SNTG1: variants seen among roughly 807,000 people sequenced by gnomAD.
SNTG1 encodes gamma-1-syntrophin.
In SNTG1, 39 loss-of-function variants were observed where a neutral mutation model predicts 74.7. The ratio of observed to expected loss-of-function variants is 0.52; its 90% CI spans 0.40 to 0.68. SNTG1 has a LOEUF of 0.68. SNTG1 is among the 30% of genes least tolerant of loss of function. The pLI, the probability that SNTG1 is intolerant of heterozygous loss-of-function variation, is 0.00. For synonymous variants in SNTG1, 254 were observed against 217.1 expected, an observed-to-expected ratio of 1.17 and a Z score of -1.49; for missense variants, 685 against 609.5, an observed-to-expected ratio of 1.12 and a Z score of -1.30.
At chr8:50,007,059 C>T (rs1815307686) in intron 1 of SNTG1, among the ~76,000 whole-genome samples, 1 of 151,896 alleles carries the variant, frequency 6.6e-6, no homozygotes. Context: ...GGAGGAGTCC[C>T]AGGACAGGGA....
intron 8 of SNTG1, among the ~76,000 whole-genome samples, chr8:50,484,580 C>A: frequency 6.6e-6 from 1 of 151,556 alleles, no homozygotes; most frequent in Non-Finnish European, 1.5e-5. Flanking sequence ...ATATGCAGGG[C>A]CTGGCGCAGT....
intron 15 of SNTG1, among the ~76,000 whole-genome samples, chr8:50,661,677 T>C (rs917230880): frequency 6.6e-6 from 1 of 152,242 alleles, no homozygotes. Context: ...TATTAGGTAT[T>C]TGTCCTAATG....
intron 8 of SNTG1, among the ~76,000 whole-genome samples, chr8:50,498,103 C>A (rs1291867240): frequency 6.6e-6 from 1 of 151,798 alleles, no homozygotes; most frequent in Non-Finnish European, 1.5e-5. Flanking sequence ...TACATTTACT[C>A]TGATTTCTCT....
chr8:50,624,684 A>G (rs2131067387), intron 13 of SNTG1, among the ~76,000 whole-genome samples: 1 of 152,270 alleles, frequency 6.6e-6, no homozygotes, highest in African/African-American at 2.4e-5. Flanking sequence ...ACTAACCTCC[A>G]TTCCTTAACA....
At chr8:50,142,389 G>A (rs1325614098) in intron 1 of SNTG1, among the ~76,000 whole-genome samples, 2 of 151,852 alleles carry the variant, frequency 1.3e-5, no homozygotes, top group Non-Finnish European at 2.9e-5. Context: ...GAGAGTAGGA[G>A]CTTGAAGAAG....
At chr8:50,788,714 A>C (rs1392134023) in intron 18 of SNTG1, among the ~76,000 whole-genome samples, 3 of 152,028 alleles carry the variant, frequency 2.0e-5, no homozygotes, top group Non-Finnish European at 2.9e-5. Context: ...AATTCTCAAC[A>C]CTTCCTGCTT....
intron 2 of SNTG1, among the ~76,000 whole-genome samples, chr8:50,303,947 G>A (rs1397506674): frequency 6.6e-6 from 1 of 152,026 alleles, no homozygotes. Context: ...GTAGAATGCT[G>A]CAAATCACAC....
At chr8:50,445,054 C>T (rs546439620) in intron 5 of SNTG1, among the ~76,000 whole-genome samples, 2 of 152,264 alleles carry the variant, frequency 1.3e-5, no homozygotes, top group African/African-American at 4.8e-5. Context: ...ACCCTTTTAT[C>T]CCCTATCTCC....
At chr8:50,301,327 A>G (rs1480016497) in intron 2 of SNTG1, among the ~76,000 whole-genome samples, 1 of 152,074 alleles carries the variant, frequency 6.6e-6, no homozygotes, top group Non-Finnish European at 1.5e-5. Context: ...CTGATTCTCT[A>G]TTCTAGCAGC....
intron 2 of SNTG1, among the ~76,000 whole-genome samples, chr8:50,349,781 T>C (rs2091593012): frequency 6.6e-6 from 1 of 152,198 alleles, no homozygotes; most frequent in Non-Finnish European, 1.5e-5. Context: ...CCTCACTTGC[T>C]CTCAGCACCT....
At chr8:50,311,428 G>T (rs917115967) in intron 2 of SNTG1, among the ~76,000 whole-genome samples, 2 of 152,230 alleles carry the variant, frequency 1.3e-5, no homozygotes, top group African/African-American at 4.8e-5. Flanking sequence ...TTGATGAGGT[G>T]TGTGTTTATG....
intron 4 of SNTG1, among the ~76,000 whole-genome samples, chr8:50,421,046 C>CGGG (rs1172604268): frequency 1.9e-3 from 5 of 2,650 alleles, no homozygotes; most frequent in African/African-American, 5.4e-3. Context: ...AGGCGGTGGG[C>CGGG]GGGGGAGGGG....
intron 13 of SNTG1, among the ~76,000 whole-genome samples, chr8:50,638,455 G>T (rs1244700223): frequency 6.6e-6 from 1 of 151,978 alleles, no homozygotes; most frequent in Non-Finnish European, 1.5e-5. Context: ...TGATTTTCCT[G>T]GATTGCTTTC....
chr8:50,596,105 C>T (rs1384378174), intron 13 of SNTG1, among the ~76,000 whole-genome samples: 1 of 151,890 alleles, frequency 6.6e-6, no homozygotes, highest in Non-Finnish European at 1.5e-5. Flanking sequence ...TAAAGATAAT[C>T]TCGTAGATAT....
chr8:50,694,873 A>G (rs1357815722), intron 15 of SNTG1, among the ~76,000 whole-genome samples: 2 of 149,510 alleles, frequency 1.3e-5, no homozygotes, highest in Non-Finnish European at 2.9e-5. Context: ...ACAAAATTCA[A>G]CATTCTTTTA....
At chr8:50,377,414 G>A (rs909255330) in intron 2 of SNTG1, among the ~76,000 whole-genome samples, 3 of 151,872 alleles carry the variant, frequency 2.0e-5, no homozygotes, top group Non-Finnish European at 2.9e-5. Flanking sequence ...TGCAAAATAG[G>A]GTATTCTTCA....
At chr8:50,764,936 A>G (rs550038248) in intron 18 of SNTG1, among the ~76,000 whole-genome samples, 1 of 152,168 alleles carries the variant, frequency 6.6e-6, no homozygotes, top group South Asian at 2.1e-4. Flanking sequence ...ACATAATGGA[A>G]TAGTATTCAA....
At chr8:50,485,229 G>T (rs1205199859) in intron 8 of SNTG1, among the ~76,000 whole-genome samples, 5 of 152,066 alleles carry the variant, frequency 3.3e-5, no homozygotes, top group Admixed American at 2.0e-4. Context: ...AGGTTTTGTT[G>T]GTTTCCTTGT....
chr8:50,008,038 C>T (rs1815411343), intron 1 of SNTG1, among the ~76,000 whole-genome samples: 1 of 152,050 alleles, frequency 6.6e-6, no homozygotes, highest in Non-Finnish European at 1.5e-5. Context: ...GATCCAATCA[C>T]CCCCTCACCG....
Sources: allele counts gnomAD v4.1 joint callset (sites outside exome capture counted in the v4.1 genomes callset), GRCh38; gene constraint gnomAD v4.1.1; transcripts MANE v1.5; gene names NCBI Gene and HGNC (gene_info 2026-07-23, HGNC 2026-07-21).